Variants in GTF2A1 observed in about 807,000 individuals in gnomAD.
GTF2A1 encodes transcription initiation factor IIA subunit 1.
A neutral mutation model predicts 54.1 loss-of-function variants in GTF2A1; 12 were observed. The observed-to-expected ratio is 0.22, with a 90% CI of 0.14 to 0.36. The LOEUF (loss-of-function observed/expected upper bound fraction) is 0.36, where lower values mean the gene tolerates loss of function less well. Ranked by LOEUF, GTF2A1 falls within the 10% of genes least tolerant of loss-of-function variation. GTF2A1 has a pLI of 1.00. For synonymous variants in GTF2A1, 145 were observed against 152.0 expected (o/e 0.95, Z 0.34); for missense variants, 335 against 442.2 (o/e 0.76, Z 2.17).
chr14:81,219,367 A>G (rs1328673123), intron 1 of GTF2A1, among the ~76,000 whole-genome samples: 1 of 152,184 alleles, frequency 6.6e-6, no homozygotes, highest in African/African-American at 2.4e-5. Context: ...AGCTCTCACT[A>G]TTTAAAGCCG....
intron 7 of GTF2A1, among the ~76,000 whole-genome samples, chr14:81,191,160 T>C (rs1447935439): frequency 6.6e-6 from 1 of 152,170 alleles, no homozygotes; most frequent in Non-Finnish European, 1.5e-5. Context: ...ATTTTCTACC[T>C]ACCAGACCAG....
intron 2 of GTF2A1, among the ~76,000 whole-genome samples, chr14:81,205,418 G>A (rs1951615): frequency 0.39 from 60,018 of 151,986 alleles, 14,016 homozygotes; most frequent in Middle Eastern, 0.55. Context: ...TTACTGGCAG[G>A]CCCAGTATTT....
At chr14:81,189,809 T>C (rs1407238556) in intron 7 of GTF2A1, among the ~76,000 whole-genome samples, 10 of 151,980 alleles carry the variant, frequency 6.6e-5, no homozygotes, top group African/African-American at 2.4e-4. Context: ...TCAAAGCATA[T>C]ACAAAAACTG....
Position 81,220,738 on chromosome 14 carries a change from A to T in GTF2A1, c.-220T>A. 6.5e-6 allele frequency: 1 copy of T among 153,218 alleles called. No homozygotes were observed. The allele number at this position is 153,218 out of a possible 1,614,324, so 9.5% of individuals were successfully genotyped here. Reference sequence around the variant, plus strand: ...AGCTGAAAACCTCGAGAATCGCCTTAAAAAAAAAAAAAAAGCCACGACCCT... The same window carrying T: ...AGCTGAAAACCTCGAGAATCGCCTTTAAAAAAAAAAAAAAGCCACGACCCT... On this transcript the variant is annotated 5_prime_UTR_variant, in exon 1 of 9. Coordinates refer to ENST00000553612, the MANE Select transcript of GTF2A1 (RefSeq NM_015859.4).
chr14:81,220,044 A>G (rs1893584577), intron 1 of GTF2A1, among the ~76,000 whole-genome samples: 1 of 151,904 alleles, frequency 6.6e-6, no homozygotes, highest in African/African-American at 2.4e-5. Context: ...GTGGATCACG[A>G]TGGGTCTCGG....
Position 81,192,671 on chromosome 14 carries a change from G to T in GTF2A1, c.781C>A (p.Gln261Lys), listed in dbSNP as rs1398014754. The T allele has an allele frequency of 1.9e-6, 3 of 1,614,140 alleles. No individual in the cohort carries two copies. The South Asian group carries it at 3.3e-5, about 18-fold the overall frequency. ...TATGQQQPQA[Q>K]PAQTQAPLVL... ...AATGGAGCTTGTGTTTGAGCAGGCT[G>T]GGCCTGCGGTTGCTGCTGGCCAGTT... Residue 261 changes from glutamine to lysine, a missense_variant, in exon 7 of 9, where the codon CAG becomes AAG. By Grantham distance (53) the Gln-to-Lys change is moderately conservative (BLOSUM62 1). Transcript: ENST00000553612.
chr14:81,200,278 G>A lies in GTF2A1; in HGVS notation c.402+1316C>T, dbSNP rs1893075720. On this transcript the variant is annotated intron_variant, in intron 4 of 8. Coordinates refer to ENST00000553612, the MANE Select transcript of GTF2A1 (RefSeq NM_015859.4). ...AACCACAAATGAACTTTGTGATTCA[G>A]TATCACTCACAAAGTAGAACTCATC... 2.6e-5 allele frequency among the ~76,000 whole-genome samples: 4 copies of A among 152,030 alleles called. No individual in the cohort carries two copies. In the South Asian group the frequency reaches 8.3e-4, roughly 31 times the overall value.
chr14:81,204,201 T>C, intron 2 of GTF2A1, 97 bp from the exon 3 acceptor site: 1 of 863,754 alleles, frequency 1.2e-6, no homozygotes, highest in Non-Finnish European at 2.0e-6. Context: ...TATTCCATTT[T>C]AAAAACTGAT....
At chr14:81,194,513 G>A (rs973058113) in intron 6 of GTF2A1, among the ~76,000 whole-genome samples, 3 of 152,118 alleles carry the variant, frequency 2.0e-5, no homozygotes, top group Non-Finnish European at 2.9e-5. Context: ...TAAATAAACT[G>A]GATTAATAGT....
chr14:81,216,473 A>G lies in GTF2A1; in HGVS notation c.72T>C (p.Asp24=), dbSNP rs1046951160. The G allele has an allele frequency of 1.9e-6, 3 of 1,540,586 alleles. No homozygotes were observed. Among genetic ancestry groups the G allele is most frequent in the Non-Finnish European group, 2.7e-6 (3 of 1,113,306 alleles). The change falls in exon 2 of 9, where the codon GAT becomes GAC. Residue 24 remains aspartate (D), a synonymous_variant. Transcript: ENST00000553612. ...YRSVIEDVIN[D]VRDIFLDDGV... ...CATCATCCAGAAAGATGTCTCTCAC[A>G]TCATTAATGACATCTTCAATCACAG...
rs1892591233 is a variant in GTF2A1, at chr14:81,179,247, A to G, written c.*976T>C. On this transcript the variant is annotated 3_prime_UTR_variant, in exon 9 of 9. Transcript: ENST00000553612. Reference sequence around the variant, plus strand: ...CTGTTTAATAAAAATCCAGGTCCTCACCACCTGCCCTATGCTAATCAATGC... The same window carrying G: ...CTGTTTAATAAAAATCCAGGTCCTCGCCACCTGCCCTATGCTAATCAATGC... 1 of 152,226 alleles carries G rather than the reference A, an allele frequency of 6.6e-6. No individual in the cohort carries two copies. Among genetic ancestry groups the G allele is most frequent in the African/African-American group, 2.4e-5 (1 of 41,468 alleles). The allele number at this position is 152,226 out of a possible 1,614,324, so 9.4% of individuals were successfully genotyped here. A position where few individuals can be genotyped will look rare whatever the true frequency, so the allele number is the denominator to read the frequency against.
rs774638161 is a variant in GTF2A1 at position 81,180,198 on chromosome 14, T to G, written c.*25A>C. On this transcript the variant is annotated 3_prime_UTR_variant, in exon 9 of 9. Coordinates refer to ENST00000553612, the MANE Select transcript of GTF2A1 (RefSeq NM_015859.4). ...TTACATTTTTTTTAAGTTTCTTTTA[T>G]TTATAAAAGAAAAAAAGCAACTCTT... 4.4e-6 allele frequency: 4 copies of G among 913,690 alleles called. No individual in the cohort carries two copies. The Admixed American group carries it at 9.4e-5, about 21-fold the overall frequency. 56.6% of individuals were successfully genotyped at this position (913,690 alleles called of 1,614,324 possible). A position where few individuals can be genotyped will look rare whatever the true frequency, so the allele number is the denominator to read the frequency against.
chr14:81,215,530 T>C (rs1316088837), intron 2 of GTF2A1, among the ~76,000 whole-genome samples: 2 of 152,134 alleles, frequency 1.3e-5, no homozygotes, highest in Non-Finnish European at 2.9e-5. Flanking sequence ...GTCATTACAA[T>C]GCAAGGAAAA....
At chr14:81,185,958 T>C (rs1035171047) in intron 7 of GTF2A1, among the ~76,000 whole-genome samples, 2 of 152,234 alleles carry the variant, frequency 1.3e-5, no homozygotes, top group Non-Finnish European at 2.9e-5. Flanking sequence ...CTTCGAGCAA[T>C]TCTCCTGCCT....
chr14:81,179,409 A>G lies in GTF2A1; in HGVS notation c.*814T>C, dbSNP rs942127599. 1 of 152,208 alleles carries G rather than the reference A, an allele frequency of 6.6e-6. No individual in the cohort carries two copies. Among genetic ancestry groups the G allele is most frequent in the Non-Finnish European group, 1.5e-5 (1 of 68,038 alleles). The allele number at this position is 152,208 out of a possible 1,614,324, so 9.4% of individuals were successfully genotyped here. ...TGGTATGCTTGCAAAATAAAACTAT[A>G]TTCCTGAGGAGCTAGTTTGGGGTTT... On this transcript the variant is annotated 3_prime_UTR_variant, in exon 9 of 9. Transcript: ENST00000553612.
At chr14:81,206,038 CTTA>C (rs945646947) in intron 2 of GTF2A1, among the ~76,000 whole-genome samples, 6 of 152,186 alleles carry the variant, frequency 3.9e-5, no homozygotes, top group African/African-American at 1.4e-4. Context: ...GAAAAAAAGT[CTTA>C]TTAATGTTTT....
chr14:81,185,757 A>G, intron 7 of GTF2A1, 137 bp from the exon 8 acceptor site: 1 of 496,998 alleles, frequency 2.0e-6, no homozygotes, highest in Non-Finnish European at 3.6e-6. Flanking sequence ...AATATTGTCA[A>G]ATCAGCTGTT....
intron 3 of GTF2A1, among the ~76,000 whole-genome samples, 156 bp downstream of exon 3, chr14:81,203,744 A>G (rs944100220): frequency 6.6e-6 from 1 of 152,148 alleles, no homozygotes; most frequent in Non-Finnish European, 1.5e-5. Flanking sequence ...GAAAGGGGGG[A>G]AAAAGCCCGA....
At chr14:81,187,182 G>A (rs1364138157) in intron 7 of GTF2A1, among the ~76,000 whole-genome samples, 2 of 151,702 alleles carry the variant, frequency 1.3e-5, no homozygotes, top group Admixed American at 6.6e-5. Flanking sequence ...GTGAAACCCC[G>A]TCTCTACTAA....
Sources: allele counts gnomAD v4.1 joint callset (sites outside exome capture counted in the v4.1 genomes callset), GRCh38; gene constraint gnomAD v4.1.1; transcripts MANE v1.5; gene names NCBI Gene and HGNC (gene_info 2026-07-23, HGNC 2026-07-21).